Variants in PLA2R1 observed in about 807,000 individuals in gnomAD.
PLA2R1 encodes the protein phospholipase A2 receptor 1.
A neutral mutation model predicts 195.9 loss-of-function variants in PLA2R1; 158 were observed. The observed-to-expected ratio is 0.81, with a 90% CI of 0.71 to 0.92. The LOEUF is 0.92. Ranked by LOEUF, PLA2R1 falls within the 40% of genes least tolerant of loss-of-function variation. The pLI is 0.00. For synonymous variants in PLA2R1, 586 were observed against 598.2 expected (o/e 0.98, Z 0.30); for missense variants, 1,626 against 1,764.6 (o/e 0.92, Z 1.41).
intron 24 of PLA2R1, among the ~76,000 whole-genome samples, chr2:159,950,024 T>A (rs1291930504): frequency 6.6e-6 from 1 of 152,224 alleles, no homozygotes; most frequent in African/African-American, 2.4e-5. Flanking sequence ...GGCGTGAAAT[T>A]GGACCAGTAC....
Position 159,984,927 on chromosome 2 carries a change from T to C in PLA2R1, c.2038-854A>G, listed in dbSNP as rs550848864. On this transcript the variant is annotated intron_variant, in intron 12 of 29. Transcript: ENST00000283243. ...AGAATGAATAGCTTTCCAAGTCCTGTGGACCACAGCACAACCTTTCCATCT... is the reference window on the plus strand; with the variant it reads ...AGAATGAATAGCTTTCCAAGTCCTGCGGACCACAGCACAACCTTTCCATCT... 2.0e-5 allele frequency among the ~76,000 whole-genome samples: 3 copies of C among 152,326 alleles called. No homozygotes were observed. The South Asian group carries it at 6.2e-4, about 32-fold the overall frequency.
chr2:159,986,822 A>C (rs755770502), intron 12 of PLA2R1, among the ~76,000 whole-genome samples: 1 of 151,968 alleles, frequency 6.6e-6, no homozygotes, highest in Non-Finnish European at 1.5e-5. Flanking sequence ...CCTGACTTCA[A>C]GTGAGCCGCC....
intron 17 of PLA2R1, among the ~76,000 whole-genome samples, chr2:159,971,939 A>G (rs2094368493): frequency 6.6e-6 from 1 of 152,156 alleles, no homozygotes; most frequent in Admixed American, 6.6e-5. Flanking sequence ...TGTTTCGTGG[A>G]CATGTTCTTA....
chr2:160,027,173 C>G (rs1180951436), intron 6 of PLA2R1, among the ~76,000 whole-genome samples: 1 of 152,170 alleles, frequency 6.6e-6, no homozygotes, highest in Non-Finnish European at 1.5e-5. Flanking sequence ...AGCAAATAAT[C>G]CAAACAAGCT....
At position 159,937,543 on chromosome 2, in the gene PLA2R1, A is replaced by T. The variant is rs535882749; in HGVS notation, c.*4235T>A. ...AAGCTTGTTAATACTCATCCTCACA[A>T]CTCACATAGAAATCTAAGATAAATC... On this transcript the variant is annotated 3_prime_UTR_variant, in exon 30 of 30. Coordinates refer to ENST00000283243, the MANE Select transcript of PLA2R1 (RefSeq NM_007366.5). The T allele has an allele frequency of 5.3e-5, 8 of 152,194 alleles. No individual in the cohort carries two copies. Among genetic ancestry groups the T allele is most frequent in the Non-Finnish European group, 8.8e-5 (6 of 68,036 alleles). The allele number at this position is 152,194 out of a possible 1,614,324, so 9.4% of individuals were successfully genotyped here.
intron 25 of PLA2R1, 108 bp downstream of exon 25, chr2:159,949,500 A>C (rs1484732745): frequency 2.8e-6 from 2 of 715,832 alleles, no homozygotes; most frequent in South Asian, 2.6e-5. Context: ...AGGCTTCTTG[A>C]AGAGAGACTT....
chr2:160,053,549 AT>A (rs1436500147), intron 1 of PLA2R1, among the ~76,000 whole-genome samples: 2 of 152,162 alleles, frequency 1.3e-5, no homozygotes, highest in African/African-American at 4.8e-5. Context: ...CAGTACCTGG[AT>A]TGAGGATATG....
intron 14 of PLA2R1, 93 bp downstream of exon 14, chr2:159,979,737 C>T (rs899433766): frequency 3.1e-6 from 2 of 655,254 alleles, no homozygotes; most frequent in African/African-American, 3.7e-5. Context: ...GAGCTCTGGC[C>T]ATCATTTCTA....
At chr2:159,944,293 G>T (rs574836566) in intron 28 of PLA2R1, among the ~76,000 whole-genome samples, 1 of 152,240 alleles carries the variant, frequency 6.6e-6, no homozygotes, top group South Asian at 2.1e-4. Context: ...AGCAGTACAG[G>T]CCACAGCAAT....
intron 1 of PLA2R1, among the ~76,000 whole-genome samples, chr2:160,051,469 G>A (rs947065511): frequency 6.6e-6 from 1 of 152,230 alleles, no homozygotes; most frequent in African/African-American, 2.4e-5. Context: ...CAGCAGGGAT[G>A]CAGTCCAGAA....
chr2:160,042,267 T>C, intron 2 of PLA2R1, 69 bp from the exon 3 acceptor site: 1 of 1,394,210 alleles, frequency 7.2e-7, no homozygotes. Flanking sequence ...CTGCTATATA[T>C]CGAAAGCATT....
chr2:159,984,214 T>C, intron 12 of PLA2R1, 141 bp from the exon 13 acceptor site: 1 of 479,108 alleles, frequency 2.1e-6, no homozygotes, highest in East Asian at 3.0e-5. Flanking sequence ...GAAGTAATAT[T>C]TACTGAATTA....
chr2:160,020,216 C>T lies in PLA2R1; in HGVS notation c.1342G>A (p.Val448Ile). The T allele has an allele frequency of 3.1e-6, 5 of 1,611,812 alleles. No homozygotes were observed. The highest frequency in any genetic ancestry group is 4.2e-6 in the Non-Finnish European group (5 of 1,178,000). ...WIGLSSNKIPVSFEWSNDSSV... is the reference protein window; with the variant it reads ...WIGLSSNKIPISFEWSNDSSV... ...GAGTCATTAGACCATTCAAAGGAAA[C>T]TGGAATTTTATTGCTGCTCAAACCA... Residue 448 changes from valine (V) to isoleucine (I), a missense_variant, in exon 8 of 30, where the codon GTT becomes ATT. By Grantham distance (29) the Val-to-Ile change is conservative. Transcript: ENST00000283243.
intron 21 of PLA2R1, among the ~76,000 whole-genome samples, chr2:159,956,273 C>A (rs1320841358): frequency 1.3e-5 from 2 of 152,160 alleles, no homozygotes; most frequent in African/African-American, 4.8e-5. Flanking sequence ...ATTCTTTCCA[C>A]TGCTACTGGT....
At chr2:159,931,330 G>C (rs1686580234), downstream of PLA2R1, among the ~76,000 whole-genome samples, 2 of 152,174 alleles carry the variant, frequency 1.3e-5, no homozygotes, top group African/African-American at 4.8e-5. Context: ...AGGAGTTTGA[G>C]ACCAGCCTGG....
intron 15 of PLA2R1, 121 bp downstream of exon 15, chr2:159,977,163 G>A (rs1689619301): frequency 1.4e-6 from 1 of 731,566 alleles, no homozygotes; most frequent in African/African-American, 1.8e-5. Context: ...TTTTGCTAAA[G>A]TAGTGTAATT....
chr2:160,017,896 G>A (rs1446755691), intron 8 of PLA2R1, among the ~76,000 whole-genome samples: 1 of 152,100 alleles, frequency 6.6e-6, no homozygotes, highest in Non-Finnish European at 1.5e-5. Flanking sequence ...CTCCCCCATG[G>A]AGTCTTCCAG....
At chr2:160,035,624 A>C (rs1190928818) in intron 3 of PLA2R1, among the ~76,000 whole-genome samples, 2 of 152,162 alleles carry the variant, frequency 1.3e-5, no homozygotes, top group Non-Finnish European at 2.9e-5. Context: ...CCAGGGAAGC[A>C]ATTGTGTCAT....
At chr2:160,016,196 G>A (rs1302113567) in intron 9 of PLA2R1, among the ~76,000 whole-genome samples, 4 of 151,062 alleles carry the variant, frequency 2.6e-5, no homozygotes, top group South Asian at 2.1e-4. Context: ...CCTGGGAGGT[G>A]GAGGTTGCAG....
Sources: allele counts gnomAD v4.1 joint callset (sites outside exome capture counted in the v4.1 genomes callset), GRCh38; gene constraint gnomAD v4.1.1; transcripts MANE v1.5; gene names NCBI Gene and HGNC (gene_info 2026-07-23, HGNC 2026-07-21).